The following ABCD4 variants were observed in gnomAD, a reference collection of about 807,000 sequenced individuals.
ABCD4 encodes the protein lysosomal cobalamin transporter ABCD4.
ABCD4 carries 53 observed loss-of-function variants against 86.3 expected under a neutral mutation model. The ratio of observed to expected loss-of-function variants is 0.61; its 90% CI spans 0.49 to 0.77. The LOEUF (loss-of-function observed/expected upper bound fraction) is 0.77. Among genes scored for constraint, ABCD4 ranks in the 30% least tolerant of loss-of-function variants. The pLI is 0.00. For missense variants in ABCD4, 757 were observed against 764.5 expected, an observed-to-expected ratio of 0.99 and a Z score of 0.12; for synonymous variants, 328 against 313.6, an observed-to-expected ratio of 1.05 and a Z score of -0.49.
At chr14:74,302,278 GA>G (rs2084809331) in intron 1 of ABCD4, among the ~76,000 whole-genome samples, 1 of 152,162 alleles carries the variant, frequency 6.6e-6, no homozygotes, top group Non-Finnish European at 1.5e-5. Flanking sequence ...ACTCAGAAGT[GA>G]AAACAAGATG....
At chr14:74,297,323 G>A (rs901785061) in intron 4 of ABCD4, 11 of 152,250 alleles carry the variant, frequency 7.2e-5, no homozygotes, top group African/African-American at 2.7e-4. Context: ...TTTTACAGAA[G>A]GGGAACCTGG....
intron 3 of ABCD4, chr14:74,299,341 T>G: frequency 3.7e-6 from 2 of 546,548 alleles, no homozygotes; most frequent in Non-Finnish European, 6.4e-6. Flanking sequence ...GGCCCAGGAG[T>G]GGAAACATCT....
intron 7 of ABCD4, 65 bp from the exon 8 acceptor site, chr14:74,293,313 G>T: frequency 6.8e-7 from 1 of 1,463,374 alleles, no homozygotes; most frequent in Non-Finnish European, 9.5e-7. Context: ...GGGGCCGCCT[G>T]TCCCATATCA....
At position 74,295,192 on chromosome 14, in the gene ABCD4, C is replaced by T; in HGVS notation, c.675G>A (p.Lys225=). The T allele has an allele frequency of 1.9e-6, 3 of 1,614,228 alleles. No individual in the cohort carries two copies. Among genetic ancestry groups the T allele is most frequent in the East Asian group, 4.5e-5 (2 of 44,882 alleles). ...CCGCATTCACCCGAATCTGCATGTG[C>T]TTGAACCTGGGCGGACCAAAGGGAA... The part of the protein sequence containing the change: ...QEKLEGDFRF[K]HMQIRVNAEP... The change falls in exon 7 of 19, where the codon AAG becomes AAA. Residue 225 remains lysine (K), a synonymous_variant. Transcript: ENST00000356924.
chr14:74,293,185 C>T lies in ABCD4; in HGVS notation c.783G>A (p.Arg261=), dbSNP rs1443244781. ...RRLQRLLQTQ[R]ELMSKELWLY... ...GCCAGAGCTCCTTGGACATCAGCTC[C>T]CTCTGGGTCTGAAGGAGTCTCTGCA... Residue 261 remains arginine (R), a synonymous_variant, in exon 8 of 19, where the codon AGG becomes AGA. Coordinates refer to ENST00000356924, the MANE Select transcript of ABCD4 (RefSeq NM_005050.4). 6.2e-7 allele frequency: 1 copy of T among 1,614,190 alleles called. No homozygotes were observed. The highest frequency in any genetic ancestry group is 8.5e-7 in the Non-Finnish European group (1 of 1,180,040).
rs971802263 is a variant in ABCD4, at chr14:74,290,163, G to C, written c.1328-45C>G. On this transcript the variant is annotated intron_variant, in intron 12 of 18. Coordinates refer to ENST00000356924, the MANE Select transcript of ABCD4 (RefSeq NM_005050.4). The stretch of plus-strand genomic sequence containing the variant: ...CTCCATTGTGAGATCTCCCAGAAGA[G>C]GCAACTGCCTGTCTCCTCTCTTCCT... 4 of 1,612,772 alleles carry C rather than the reference G, an allele frequency of 2.5e-6. No individual in the cohort carries two copies. The African/African-American group carries it at 4.0e-5, about 16-fold the overall frequency.
rs755730309 is a variant in ABCD4, at chr14:74,288,220, C to G, written c.1546G>C (p.Val516Leu). 3 of 1,612,292 alleles carry G rather than the reference C, an allele frequency of 1.9e-6. No homozygotes were observed. Among genetic ancestry groups the G allele is most frequent in the East Asian group, 4.5e-5 (2 of 44,854 alleles). ...CTCTTTTCTTACCAGTTCCAGTCCA[C>G]CTGCTGGTCCAGGCCCTCTGTCCTT... ...VARTEGLDQQ[V>L]DWNWYDVLSP... is the part of the protein sequence containing the mutation. The change falls in exon 16 of 19, where the codon GTG (valine) becomes CTG (leucine). Residue 516 changes from valine to leucine, a missense_variant. Physicochemically the swap from Val to Leu is conservative, Grantham distance 32. Transcript: ENST00000356924.
intron 1 of ABCD4, among the ~76,000 whole-genome samples, chr14:74,302,194 G>A (rs1306481499): frequency 6.6e-6 from 1 of 152,032 alleles, no homozygotes; most frequent in African/African-American, 2.4e-5. Flanking sequence ...GGCTTGTGGG[G>A]GTGTTAATAC....
At chr14:74,295,127 G>A in intron 7 of ABCD4, 21 bp downstream of exon 7, 20 of 1,613,868 alleles carry the variant, frequency 1.2e-5, no homozygotes, top group Non-Finnish European at 1.6e-5. Flanking sequence ...GGCAGAAGGG[G>A]AACCATCTCT....
intron 6 of ABCD4, 133 bp downstream of exon 6, chr14:74,295,721 G>A: frequency 8.3e-7 from 1 of 1,209,918 alleles, no homozygotes; most frequent in Non-Finnish European, 1.2e-6. Flanking sequence ...AGCTTGGAGA[G>A]GTTAAAGACC....
Position 74,288,009 on chromosome 14 carries a change from C to T in ABCD4, c.1560-123G>A. On this transcript the variant is annotated intron_variant, in intron 16 of 18. Transcript: ENST00000356924. ...GGTGAGCCCCAGGAGACAGAAGCCC[C>T]TTCCCTTTCGACCATAGGCCTACAG... is the stretch of plus-strand genomic sequence containing the variant. 4.5e-6 allele frequency: 5 copies of T among 1,117,834 alleles called. 1 individual carries two copies. In the South Asian group the frequency reaches 7.0e-5, roughly 16 times the overall value. The allele number at this position is 1,117,834 out of a possible 1,614,324, so 69.2% of individuals were successfully genotyped here.
rs902738075 is a variant in ABCD4, at chr14:74,285,539, A to C, written c.*922T>G. On this transcript the variant is annotated 3_prime_UTR_variant, in exon 19 of 19. Coordinates refer to ENST00000356924, the MANE Select transcript of ABCD4 (RefSeq NM_005050.4). Reference sequence around the variant, plus strand: ...TTTAAAAATATTAAGTAACTCAAGTACTAGAAGTACAGAAGCCTGGCAAAA... The same window carrying C: ...TTTAAAAATATTAAGTAACTCAAGTCCTAGAAGTACAGAAGCCTGGCAAAA... 1 of 152,338 alleles carries C rather than the reference A, an allele frequency of 6.6e-6. No individual in the cohort carries two copies. The highest frequency in any genetic ancestry group is 2.1e-4 in the South Asian group (1 of 4,824). 9.4% of individuals were successfully genotyped at this position (152,338 alleles called of 1,614,324 possible).
intron 7 of ABCD4, 59 bp downstream of exon 7, chr14:74,295,089 T>C: frequency 1.3e-6 from 2 of 1,597,246 alleles, no homozygotes; most frequent in Non-Finnish European, 8.6e-7. Flanking sequence ...AGGATTCATC[T>C]TTCCTTCTCC....
At chr14:74,299,453 TTGCTTCC>T (rs2083736574) in intron 3 of ABCD4, 88 bp downstream of exon 3, 35 of 1,497,656 alleles carry the variant, frequency 2.3e-5, no homozygotes, top group Non-Finnish European at 3.1e-5. Flanking sequence ...CCCCCACAGC[TTGCTTCC>T]TGCTTCCTGG....
chr14:74,289,985 G>T, intron 13 of ABCD4, 42 bp downstream of exon 13: 1 of 1,613,340 alleles, frequency 6.2e-7, no homozygotes, highest in South Asian at 1.1e-5. Flanking sequence ...GTGGGTGGGC[G>T]GGGTTGAGGA....
At position 74,295,141 on chromosome 14, in the gene ABCD4, G is replaced by C; in HGVS notation, c.719+7C>G. On this transcript the variant is annotated splice_region_variant and intron_variant, in intron 7 of 18. Transcript: ENST00000356924. ...AGGCAGAAGGGGAACCATCTCTCCA[G>C]ACTCACCTGTAGAAAGCAGCAGGCT... 1 of 1,614,174 alleles carries C rather than the reference G, an allele frequency of 6.2e-7. No homozygotes were observed. Among genetic ancestry groups the C allele is most frequent in the Non-Finnish European group, 8.5e-7 (1 of 1,180,018 alleles).
At chr14:74,286,911 G>GAGCAGCTTTCAGCCTCCCCT in intron 17 of ABCD4, 95 bp from the exon 18 acceptor site, 2 of 1,209,852 alleles carry the variant, frequency 1.7e-6, no homozygotes, top group Non-Finnish European at 2.3e-6. Flanking sequence ...CTGGGACCCA[G>GAGCAGCTTTCAGCCTCCCCT]GGGAGGCTGA....
rs74063817 is a variant in ABCD4 at position 74,293,019 on chromosome 14, C to A, written c.814+135G>T. The A allele has an allele frequency of 2.8e-6, 4 of 1,444,546 alleles. No homozygotes were observed. The African/African-American group carries it at 4.2e-5, about 15-fold the overall frequency. 89.5% of individuals were successfully genotyped at this position (1,444,546 alleles called of 1,614,324 possible). A position where few individuals can be genotyped will look rare whatever the true frequency, so the allele number is the denominator to read the frequency against. On this transcript the variant is annotated intron_variant, in intron 8 of 18. Transcript: ENST00000356924. ...GAGGATACTCACAGAAAGGCAACAG[C>A]CCCCCCTCCTCATCCCCGGTTAATT...
intron 16 of ABCD4, 58 bp from the exon 17 acceptor site, chr14:74,287,944 C>T (rs1008935457): frequency 1.3e-6 from 2 of 1,497,264 alleles, no homozygotes; most frequent in Non-Finnish European, 1.8e-6. Context: ...TTGGCTTTTA[C>T]CTAGAATGGT....
Sources: allele counts gnomAD v4.1 joint callset (sites outside exome capture counted in the v4.1 genomes callset), GRCh38; gene constraint gnomAD v4.1.1; transcripts MANE v1.5; gene names NCBI Gene and HGNC (gene_info 2026-07-23, HGNC 2026-07-21).